LOC400499: variants seen among roughly 807,000 people sequenced by gnomAD.
At chr16:11,406,380 T>C in the LOC400499 span, among the ~76,000 whole-genome samples, 1 of 152,224 alleles carries the variant, frequency 6.6e-6, no homozygotes, top group African/African-American at 2.4e-5. Flanking sequence ...ATGGTGTATA[T>C]ATACCACAGT....
chr16:11,385,445 G>A, the LOC400499 span: 4 of 1,226,692 alleles, frequency 3.3e-6, no homozygotes, highest in Non-Finnish European at 3.1e-6. Flanking sequence ...AAGGCAGGGT[G>A]AGCGGGGCCA....
chr16:11,442,277 G>C, the LOC400499 span: 1 of 152,312 alleles, frequency 6.6e-6, no homozygotes, highest in African/African-American at 2.4e-5. Flanking sequence ...CTGGAGTGCA[G>C]TGGCGTGATC....
At chr16:11,495,679 C>G in the LOC400499 span, among the ~76,000 whole-genome samples, 1 of 152,222 alleles carries the variant, frequency 6.6e-6, no homozygotes, top group Admixed American at 6.5e-5. Flanking sequence ...CGTGCCTAGT[C>G]TAGACCAACA....
At chr16:11,497,065 T>C in the LOC400499 span, among the ~76,000 whole-genome samples, 1 of 152,128 alleles carries the variant, frequency 6.6e-6, no homozygotes, top group Non-Finnish European at 1.5e-5. Context: ...AGCATGTGTG[T>C]GCATATCCCT....
At chr16:11,514,618 G>T in the LOC400499 span, 2 of 399,264 alleles carry the variant, frequency 5.0e-6, no homozygotes, top group Non-Finnish European at 8.8e-6. Flanking sequence ...AAGGGGAGGA[G>T]GGACGAGGGA....
chr16:11,391,615 G>C, the LOC400499 span: 2,773 of 1,221,072 alleles, frequency 2.3e-3, 60 homozygotes, highest in African/African-American at 0.038. Context: ...CGGTGGAGAG[G>C]GGGGACATTG....
chr16:11,493,726 G>A, the LOC400499 span: 1 of 396,422 alleles, frequency 2.5e-6, no homozygotes, highest in Non-Finnish European at 4.4e-6. Context: ...AGATGCACAG[G>A]CACTCAACGT....
the LOC400499 span, chr16:11,431,356 G>A: frequency 2.5e-6 from 1 of 397,844 alleles, no homozygotes; most frequent in Non-Finnish European, 4.4e-6. Context: ...CTGGGCATCA[G>A]TTTCTCCTTC....
the LOC400499 span, among the ~76,000 whole-genome samples, chr16:11,378,878 G>T: frequency 6.6e-6 from 1 of 152,202 alleles, no homozygotes; most frequent in African/African-American, 2.4e-5. Context: ...GGGTGAAGTT[G>T]TCTGTGTGGT....
the LOC400499 span, among the ~76,000 whole-genome samples, chr16:11,461,548 C>T: frequency 2.4e-4 from 37 of 152,248 alleles, no homozygotes; most frequent in South Asian, 1.7e-3. Context: ...AAAACAAAAT[C>T]GAACAGGACA....
At chr16:11,520,237 G>A in the LOC400499 span, among the ~76,000 whole-genome samples, 2 of 152,204 alleles carry the variant, frequency 1.3e-5, no homozygotes, top group African/African-American at 4.8e-5. Flanking sequence ...TTGAAATGGT[G>A]TATTCCATAT....
At chr16:11,449,197 ACTC>A in the LOC400499 span, 1 of 1,162,362 alleles carries the variant, frequency 8.6e-7, no homozygotes, top group Non-Finnish European at 1.1e-6. Flanking sequence ...TGCTTGGTGA[ACTC>A]CTCTTCATCC....
At chr16:11,374,693 T>G in the LOC400499 span, among the ~76,000 whole-genome samples, 11 of 152,208 alleles carry the variant, frequency 7.2e-5, no homozygotes, top group African/African-American at 2.7e-4. Context: ...CATGATTGAT[T>G]GTATGGAGAG....
At chr16:11,463,637 T>C in the LOC400499 span, among the ~76,000 whole-genome samples, 1 of 152,220 alleles carries the variant, frequency 6.6e-6, no homozygotes, top group Non-Finnish European at 1.5e-5. Flanking sequence ...CAGATATGTC[T>C]ACACGTGGAT....
At chr16:11,442,066 C>G in the LOC400499 span, 1 of 152,168 alleles carries the variant, frequency 6.6e-6, no homozygotes, top group Non-Finnish European at 1.5e-5. Flanking sequence ...CCTGTGTTGA[C>G]TGAGAAGTTA....
At chr16:11,393,483 A>C in the LOC400499 span, 1 of 1,232,126 alleles carries the variant, frequency 8.1e-7, no homozygotes, top group African/African-American at 1.6e-5. Context: ...GCTTCCCTCC[A>C]ACCGGACCAG....
the LOC400499 span, among the ~76,000 whole-genome samples, chr16:11,378,278 G>GC: frequency 6.7e-6 from 1 of 149,070 alleles, no homozygotes; most frequent in Non-Finnish European, 1.5e-5. Flanking sequence ...CCGGGGGGAG[G>GC]GGGGAGGTGG....
the LOC400499 span, chr16:11,384,100 TG>T: frequency 5.7e-6 from 7 of 1,227,954 alleles, no homozygotes; most frequent in African/African-American, 1.1e-4. Flanking sequence ...CCCCAAACCC[TG>T]GGCCTACGAA....
At chr16:11,397,932 G>A in the LOC400499 span, among the ~76,000 whole-genome samples, 2 of 152,116 alleles carry the variant, frequency 1.3e-5, no homozygotes, top group African/African-American at 4.8e-5. Context: ...ATGCGTAAAG[G>A]AATGGATGGA....
Sources: allele counts gnomAD v4.1 joint callset (sites outside exome capture counted in the v4.1 genomes callset), GRCh38; gene constraint gnomAD v4.1.1; transcripts MANE v1.5.